The following SUGCT variants were observed in gnomAD, a reference collection of about 807,000 sequenced individuals.
SUGCT encodes the protein succinyl-CoA:glutarate-CoA transferase, also known as succinyl-CoA:glutarate CoA-transferase.
SUGCT carries 41 observed loss-of-function variants against 55.0 expected under a neutral mutation model. The ratio of observed to expected loss-of-function variants is 0.74; its 90% CI spans 0.58 to 0.97. SUGCT has a LOEUF of 0.97. Among genes scored for constraint, SUGCT ranks in the 50% least tolerant of loss-of-function variants. SUGCT has a pLI of 0.00. For missense variants in SUGCT, 568 were observed against 547.8 expected, an observed-to-expected ratio of 1.04 and a Z score of -0.37; for synonymous variants, 187 against 200.4, an observed-to-expected ratio of 0.93 and a Z score of 0.56.
chr7:40,142,124 C>G (rs981402689), intron 1 of SUGCT, among the ~76,000 whole-genome samples: 3 of 151,754 alleles, frequency 2.0e-5, no homozygotes, highest in Non-Finnish European at 4.4e-5. Context: ...GAATAGGTAA[C>G]TGGAATTAGT....
chr7:40,938,610 G>A, the SUGCT span, among the ~76,000 whole-genome samples: 17 of 151,938 alleles, frequency 1.1e-4, no homozygotes, highest in African/African-American at 4.1e-4. Context: ...CTCAAATAGT[G>A]TACATTGTAC....
chr7:40,564,940 C>A (rs1379161638), intron 12 of SUGCT, among the ~76,000 whole-genome samples: 1 of 152,206 alleles, frequency 6.6e-6, no homozygotes, highest in Admixed American at 6.5e-5. Flanking sequence ...CACTTGCTAA[C>A]TATGTTCTCA....
intron 9 of SUGCT, among the ~76,000 whole-genome samples, chr7:40,361,066 T>C (rs1384278501): frequency 6.6e-6 from 1 of 152,158 alleles, no homozygotes; most frequent in East Asian, 1.9e-4. Context: ...GGTGTTTTAC[T>C]TCAGCCACTG....
At chr7:40,800,048 C>T (rs10243080) in intron 13 of SUGCT, among the ~76,000 whole-genome samples, 47,532 of 152,030 alleles carry the variant, frequency 0.31, 7,884 homozygotes, top group South Asian at 0.43. Flanking sequence ...TCCAAGCAGA[C>T]GTTTGTTTTC....
intron 12 of SUGCT, among the ~76,000 whole-genome samples, chr7:40,639,140 C>T (rs1800149230): frequency 6.6e-6 from 1 of 152,118 alleles, no homozygotes; most frequent in South Asian, 2.1e-4. Context: ...GCCAGGTTCC[C>T]CTTTTGTCCT....
intron 9 of SUGCT, among the ~76,000 whole-genome samples, chr7:40,432,327 C>T (rs1172995348): frequency 2.0e-5 from 3 of 152,166 alleles, no homozygotes; most frequent in African/African-American, 4.8e-5. Flanking sequence ...TCCTGCTGAA[C>T]AAACCCACTG....
intron 9 of SUGCT, among the ~76,000 whole-genome samples, chr7:40,384,920 G>C (rs1364250264): frequency 6.6e-6 from 1 of 152,166 alleles, no homozygotes; most frequent in Non-Finnish European, 1.5e-5. Context: ...TCTGAGTCTT[G>C]TGGTAAACAA....
the SUGCT span, among the ~76,000 whole-genome samples, chr7:41,012,505 A>G: frequency 7.9e-5 from 12 of 152,218 alleles, no homozygotes; most frequent in Non-Finnish European, 1.6e-4. Context: ...CAAAGAGACT[A>G]TGTTACCTAA....
chr7:40,404,409 G>C, intron 9 of SUGCT, among the ~76,000 whole-genome samples: 1 of 151,808 alleles, frequency 6.6e-6, no homozygotes, highest in East Asian at 1.9e-4. Context: ...TTGGTCTGAG[G>C]AAGACATACT....
chr7:40,784,471 T>G (rs892772861), intron 13 of SUGCT, among the ~76,000 whole-genome samples: 13 of 152,172 alleles, frequency 8.5e-5, no homozygotes, highest in African/African-American at 3.1e-4. Context: ...GGGATTACAT[T>G]CTGAGGACAA....
At chr7:40,485,980 A>T (rs1791320400) in intron 11 of SUGCT, among the ~76,000 whole-genome samples, 1 of 151,850 alleles carries the variant, frequency 6.6e-6, no homozygotes, top group African/African-American at 2.4e-5. Context: ...ATTTTCTTTT[A>T]TTTTTGTGTT....
At chr7:40,937,503 T>G in the SUGCT span, among the ~76,000 whole-genome samples, 1 of 152,178 alleles carries the variant, frequency 6.6e-6, no homozygotes, top group Non-Finnish European at 1.5e-5. Flanking sequence ...TATTAAAGTC[T>G]CCAGCCATTA....
chr7:40,813,085 A>C (rs1791504857), intron 13 of SUGCT, among the ~76,000 whole-genome samples: 1 of 152,008 alleles, frequency 6.6e-6, no homozygotes, highest in Non-Finnish European at 1.5e-5. Flanking sequence ...GGTTGGTTTG[A>C]TTTTGATTTT....
intron 6 of SUGCT, among the ~76,000 whole-genome samples, chr7:40,232,113 A>G (rs1290191513): frequency 2.0e-5 from 3 of 152,208 alleles, no homozygotes; most frequent in Admixed American, 2.0e-4. Flanking sequence ...TCAATCAATC[A>G]GTCAATCACT....
chr7:40,206,722 T>A (rs1786996687), intron 6 of SUGCT, among the ~76,000 whole-genome samples: 1 of 152,202 alleles, frequency 6.6e-6, no homozygotes, highest in African/African-American at 2.4e-5. Flanking sequence ...TAATACCTAA[T>A]ATAAAGTAAA....
chr7:40,584,031 A>G (rs1172015749), intron 12 of SUGCT, among the ~76,000 whole-genome samples: 1 of 152,178 alleles, frequency 6.6e-6, no homozygotes, highest in Non-Finnish European at 1.5e-5. Context: ...TTTCCAAGTC[A>G]GTTCAGGGTT....
chr7:40,365,308 A>C (rs868729642), intron 9 of SUGCT, among the ~76,000 whole-genome samples: 1,888 of 152,086 alleles, frequency 0.012, 37 homozygotes, highest in African/African-American at 0.043. Flanking sequence ...CCAATATCGT[A>C]CTGAATGGGC....
chr7:40,885,047 T>C, the SUGCT span, among the ~76,000 whole-genome samples: 1 of 152,074 alleles, frequency 6.6e-6, no homozygotes, highest in Non-Finnish European at 1.5e-5. Context: ...TAATGAAAAA[T>C]AAACATCAGA....
At chr7:40,955,162 T>C in the SUGCT span, among the ~76,000 whole-genome samples, 1 of 152,204 alleles carries the variant, frequency 6.6e-6, no homozygotes, top group African/African-American at 2.4e-5. Context: ...TAGTTTTTTC[T>C]AATTCTGTGA....
Sources: gnomAD v4.1 joint callset for allele counts (sites outside exome capture counted in the v4.1 genomes callset) on GRCh38, gnomAD v4.1.1 for gene constraint, MANE v1.5 for transcripts, NCBI Gene and HGNC (gene_info 2026-07-23, HGNC 2026-07-21) for gene names.